The following SASH1 variants were observed in gnomAD, a reference collection of about 807,000 sequenced individuals.
SASH1 encodes the protein SAM and SH3 domain-containing protein 1.
In SASH1, 44 loss-of-function variants were observed where a neutral mutation model predicts 125.2. The ratio of observed to expected loss-of-function variants is 0.35; its 90% CI spans 0.28 to 0.45. SASH1 has a LOEUF of 0.45. Ranked by LOEUF, SASH1 falls within the 20% of genes least tolerant of loss-of-function variation. SASH1 has a pLI of 1.00. For missense variants in SASH1, 1,426 were observed against 1,614.5 expected, an observed-to-expected ratio of 0.88 and a Z score of 2.00; for synonymous variants, 639 against 649.1, an observed-to-expected ratio of 0.98 and a Z score of 0.24.
intron 9 of SASH1, among the ~76,000 whole-genome samples, chr6:148,516,425 T>C (rs1174491290): frequency 2.0e-5 from 3 of 152,318 alleles, no homozygotes; most frequent in African/African-American, 7.2e-5. Flanking sequence ...GCAGTGGTAC[T>C]TGGGAGAGGC....
At chr6:148,267,150 C>A in the SASH1 span, among the ~76,000 whole-genome samples, 1 of 152,118 alleles carries the variant, frequency 6.6e-6, no homozygotes, top group Non-Finnish European at 1.5e-5. Context: ...AAATAAGACA[C>A]ACATCTGTAA....
At chr6:148,302,782 A>G (rs78487039) in intron 1 of SASH1, among the ~76,000 whole-genome samples, 19,549 of 147,452 alleles carry the variant, frequency 0.13, 1,614 homozygotes, top group East Asian at 0.35. Context: ...GTATATATAT[A>G]TGTGTGTGTG....
At chr6:148,348,916 C>T (rs1429339008) in intron 1 of SASH1, among the ~76,000 whole-genome samples, 1 of 152,252 alleles carries the variant, frequency 6.6e-6, no homozygotes, top group Non-Finnish European at 1.5e-5. Context: ...CAGAGCGCCC[C>T]GAAGGCGGTA....
intron 1 of SASH1, among the ~76,000 whole-genome samples, chr6:148,386,523 C>T (rs1052810474): frequency 2.6e-5 from 4 of 152,134 alleles, no homozygotes; most frequent in African/African-American, 9.7e-5. Flanking sequence ...CTATTCCAGA[C>T]CAGAAAGCCA....
chr6:148,488,922 A>G (rs6926477), intron 8 of SASH1, among the ~76,000 whole-genome samples: 2 of 151,874 alleles, frequency 1.3e-5, no homozygotes, highest in African/African-American at 4.8e-5. Context: ...ACTCTGTGGG[A>G]TGCCTTTTAC....
the SASH1 span, among the ~76,000 whole-genome samples, chr6:148,232,841 C>G: frequency 3.3e-5 from 5 of 152,116 alleles, no homozygotes; most frequent in Non-Finnish European, 7.4e-5. Context: ...ATTCAGAACT[C>G]TGAGCCTGGC....
intron 2 of SASH1, among the ~76,000 whole-genome samples, chr6:148,394,945 GTTTC>G (rs1783889706): frequency 6.6e-6 from 1 of 152,194 alleles, no homozygotes; most frequent in Non-Finnish European, 1.5e-5. Flanking sequence ...TGACTGGCCA[GTTTC>G]TTTCTATGTT....
intron 7 of SASH1, among the ~76,000 whole-genome samples, chr6:148,484,564 T>TA (rs1397620558): frequency 9.2e-5 from 14 of 152,008 alleles, no homozygotes; most frequent in African/African-American, 3.1e-4. Context: ...GTTTTTTTTT[T>TA]TCCTGTGCAG....
At chr6:148,376,964 A>G (rs1399070494) in intron 1 of SASH1, among the ~76,000 whole-genome samples, 2 of 151,372 alleles carry the variant, frequency 1.3e-5, no homozygotes, top group African/African-American at 4.9e-5. Flanking sequence ...AGGTCAGGAG[A>G]TCGAGACCAT....
intron 2 of SASH1, among the ~76,000 whole-genome samples, chr6:148,402,976 A>T (rs2114875622): frequency 6.6e-6 from 1 of 152,234 alleles, no homozygotes; most frequent in South Asian, 2.1e-4. Flanking sequence ...GAGCTCAATG[A>T]ATACTTATCA....
At position 148,343,150 on chromosome 6, in the gene SASH1, A is replaced by G; in HGVS notation, c.83A>G (p.Glu28Gly). 1.3e-6 allele frequency: 2 copies of G among 1,599,358 alleles called. No individual in the cohort carries two copies. The highest frequency in any genetic ancestry group is 1.7e-6 in the Non-Finnish European group (2 of 1,178,980). The change falls in exon 1 of 20, where the codon GAA becomes GGA. Residue 28 changes from glutamate to glycine, a missense_variant. Physicochemically the swap from Glu to Gly is moderately conservative, Grantham distance 98 (BLOSUM62 -2). This residue lies in a region of SASH1 where 567 missense variants were observed against 575.6 expected (regional missense o/e 0.99). Coordinates refer to ENST00000367467, the MANE Select transcript of SASH1 (RefSeq NM_015278.5). ...GAGCCCGAGCCCGCGCCGGAGCCGGAACCGGAGCCCAAGCCGGGTGCTGGC... is the reference window on the plus strand; with the variant it reads ...GAGCCCGAGCCCGCGCCGGAGCCGGGACCGGAGCCCAAGCCGGGTGCTGGC... ...EPEPEPAPEPEPEPKPGAGTS... is the reference protein window; with the variant it reads ...EPEPEPAPEPGPEPKPGAGTS...
At chr6:148,382,114 AATCAGCAGC>A (rs142908922) in intron 1 of SASH1, among the ~76,000 whole-genome samples, 6,341 of 152,180 alleles carry the variant, frequency 0.042, 199 homozygotes, top group South Asian at 0.16. Context: ...GCTGGAAGTG[AATCAGCAGC>A]ATATTTTTTT....
intron 1 of SASH1, among the ~76,000 whole-genome samples, chr6:148,368,770 G>GCGCGCGCACACACACACACACACACACA (rs1554245330): frequency 1.5e-5 from 2 of 135,732 alleles, no homozygotes; most frequent in African/African-American, 5.3e-5. Flanking sequence ...GCACGCGCGC[G>GCGCGCGCACACACACACACACACACACA]CACACACACA....
At chr6:148,215,828 G>A in the SASH1 span, among the ~76,000 whole-genome samples, 1 of 151,962 alleles carries the variant, frequency 6.6e-6, no homozygotes, top group South Asian at 2.1e-4. Context: ...AGAGCTAGCA[G>A]AAATATCTAC....
chr6:148,387,868 A>T (rs1783536354), intron 1 of SASH1, among the ~76,000 whole-genome samples: 1 of 143,950 alleles, frequency 6.9e-6, no homozygotes, highest in Non-Finnish European at 1.5e-5. Flanking sequence ...CCTCCTGAGT[A>T]GCTGGGATTA....
chr6:148,538,742 G>GAAA (rs1175116722), intron 16 of SASH1, among the ~76,000 whole-genome samples: 1 of 152,168 alleles, frequency 6.6e-6, no homozygotes, highest in Non-Finnish European at 1.5e-5. Flanking sequence ...GATGACCTGA[G>GAAA]AAAAGGCATC....
chr6:148,541,002 G>A (rs1782184556), intron 17 of SASH1, among the ~76,000 whole-genome samples: 1 of 152,006 alleles, frequency 6.6e-6, no homozygotes, highest in Admixed American at 6.6e-5. Context: ...TGGCCTCTCT[G>A]TACAGCCAGT....
At position 148,371,564 on chromosome 6, in the gene SASH1, A is replaced by G. The variant is rs535737567; in HGVS notation, c.157-18570A>G. Among the ~76,000 whole-genome samples, 6 of 152,148 alleles carry G rather than the reference A, an allele frequency of 3.9e-5. No homozygotes were observed. The South Asian group carries it at 1.2e-3, about 32-fold the overall frequency. On this transcript the variant is annotated intron_variant, in intron 1 of 19. Coordinates refer to ENST00000367467, the MANE Select transcript of SASH1 (RefSeq NM_015278.5). ...ATTACAGGCGTGAGCCACTGTGCTC[A>G]GCTGCCTTGTTGGCTCTTCTGCAGT...
At chr6:148,305,378 CG>C (rs77219147) in intron 1 of SASH1, among the ~76,000 whole-genome samples, 8,522 of 152,194 alleles carry the variant, frequency 0.056, 329 homozygotes, top group Admixed American at 0.11. Context: ...GAAACCGAGG[CG>C]GGGGGATCAT....
Sources: gnomAD v4.1 joint callset for allele counts (sites outside exome capture counted in the v4.1 genomes callset) on GRCh38, gnomAD v4.1.1 for gene constraint, gnomAD v4.1.1 regional missense constraint, MANE v1.5 for transcripts, NCBI Gene and HGNC (gene_info 2026-07-23, HGNC 2026-07-21) for gene names.